SIPA1L1: variants seen among roughly 807,000 people sequenced by gnomAD.
SIPA1L1 encodes signal-induced proliferation-associated 1-like protein 1.
A neutral mutation model predicts 162.7 loss-of-function variants in SIPA1L1; 26 were observed. That is an observed-to-expected ratio of 0.16 (90% CI 0.12 to 0.22). The LOEUF (loss-of-function observed/expected upper bound fraction) is 0.22. SIPA1L1 is among the 10% of genes least tolerant of loss of function. SIPA1L1 has a pLI of 1.00. For synonymous variants in SIPA1L1, 829 were observed against 837.4 expected (o/e 0.99, Z 0.17); for missense variants, 1,874 against 2,241.0 (o/e 0.84, Z 3.31).
intron 2 of SIPA1L1, among the ~76,000 whole-genome samples, chr14:71,446,906 G>GTTTTTTTTTT (rs1189940440): frequency 2.6e-3 from 139 of 53,216 alleles, no homozygotes; most frequent in South Asian, 5.3e-3. Flanking sequence ...TTTTTTTTTT[G>GTTTTTTTTTT]TTTTTTTTTT....
chr14:71,413,765 T>G (rs1037001643), intron 2 of SIPA1L1, among the ~76,000 whole-genome samples: 1 of 152,158 alleles, frequency 6.6e-6, no homozygotes, highest in Non-Finnish European at 1.5e-5. Flanking sequence ...AAATGTGTAT[T>G]GAGCTGCACA....
intron 15 of SIPA1L1, chr14:71,704,802 G>A (rs2082327171): frequency 6.4e-7 from 1 of 1,567,330 alleles, no homozygotes; most frequent in Non-Finnish European, 8.8e-7. Flanking sequence ...TTTCCAAAGT[G>A]TCATGGTAAG....
At chr14:71,593,188 GTTATTTATTTATTTATTTATTTAT>G (rs60160795) in intron 5 of SIPA1L1, among the ~76,000 whole-genome samples, 5 of 146,906 alleles carry the variant, frequency 3.4e-5, no homozygotes, top group Non-Finnish European at 7.5e-5. Flanking sequence ...TGTGTTTTGT[GTTATTTATTTATTTATTTATTTAT>G]TTATTTATTT....
chr14:71,732,840 A>G (rs1238900952), intron 20 of SIPA1L1, among the ~76,000 whole-genome samples: 1 of 152,150 alleles, frequency 6.6e-6, no homozygotes, highest in East Asian at 1.9e-4. Context: ...TGACCATGGA[A>G]CCCAGTGGGC....
chr14:71,450,000 T>G (rs2141491798), intron 2 of SIPA1L1, among the ~76,000 whole-genome samples: 1 of 152,302 alleles, frequency 6.6e-6, no homozygotes, highest in African/African-American at 2.4e-5. Context: ...AGCTTATTTT[T>G]TAACCTTAAA....
At chr14:71,613,171 T>A (rs969929402) in intron 5 of SIPA1L1, among the ~76,000 whole-genome samples, 5 of 152,300 alleles carry the variant, frequency 3.3e-5, no homozygotes, top group African/African-American at 1.2e-4. Flanking sequence ...ATTTAATGAT[T>A]TTTTTATTCA....
At chr14:71,730,516 T>C (rs796354305) in intron 20 of SIPA1L1, among the ~76,000 whole-genome samples, 3 of 152,284 alleles carry the variant, frequency 2.0e-5, no homozygotes, top group African/African-American at 7.2e-5. Flanking sequence ...ATTCCCACAC[T>C]GGACCCAAGA....
At position 71,590,044 on chromosome 14, in the gene SIPA1L1, AATATATATATATAT is replaced by A. The variant is rs58833289; in HGVS notation, c.1498+693_1498+706del. On this transcript the variant is annotated intron_variant, in intron 5 of 23. Transcript: ENST00000381232. The stretch of plus-strand genomic sequence containing the variant: ...AGTAAAAAAAAAAAAAAAAAAAAAA[AATATATATATATAT>A]ATATATATATATATATATGTACACA... Among the ~76,000 whole-genome samples the A allele has an allele frequency of 4.9e-3, 293 of 59,586 alleles. 2 individuals carry two copies. Among genetic ancestry groups the A allele is most frequent in the African/African-American group, 0.023 (275 of 11,844 alleles). The allele number at this position is 59,586 out of a possible 152,430, so 39.1% of individuals were successfully genotyped here.
chr14:71,356,508 G>T (rs953125085), intron 2 of SIPA1L1, among the ~76,000 whole-genome samples: 4 of 136,856 alleles, frequency 2.9e-5, no homozygotes, highest in African/African-American at 1.1e-4. Flanking sequence ...TGGCAGGAGG[G>T]TTACTTAAGG....
intron 9 of SIPA1L1, 129 bp from the exon 10 acceptor site, chr14:71,661,181 G>A (rs1280975888): frequency 2.3e-6 from 2 of 869,924 alleles, no homozygotes; most frequent in South Asian, 1.8e-5. Context: ...GACAGTACCT[G>A]TGTAGATTAC....
intron 3 of SIPA1L1, among the ~76,000 whole-genome samples, chr14:71,518,030 T>C (rs1215448516): frequency 6.6e-6 from 1 of 152,188 alleles, no homozygotes; most frequent in African/African-American, 2.4e-5. Flanking sequence ...ACACCTGTAA[T>C]CCTTCCACTT....
chr14:71,438,424 T>A (rs2044577677), intron 2 of SIPA1L1, among the ~76,000 whole-genome samples: 1 of 152,174 alleles, frequency 6.6e-6, no homozygotes, highest in Non-Finnish European at 1.5e-5. Flanking sequence ...ATGAATCCTG[T>A]TCTCAAAGCA....
chr14:71,445,218 A>G (rs2045249653), intron 2 of SIPA1L1, among the ~76,000 whole-genome samples: 1 of 152,174 alleles, frequency 6.6e-6, no homozygotes, highest in African/African-American at 2.4e-5. Flanking sequence ...AAAGAAGGAA[A>G]ACTTTGTTCT....
At chr14:71,441,064 A>C (rs191788669) in intron 2 of SIPA1L1, among the ~76,000 whole-genome samples, 13 of 152,340 alleles carry the variant, frequency 8.5e-5, no homozygotes, top group Admixed American at 5.9e-4. Context: ...AAGATCATTA[A>C]ATCTAGTTGT....
At chr14:71,514,821 C>T (rs1228516593) in intron 3 of SIPA1L1, among the ~76,000 whole-genome samples, 5 of 152,172 alleles carry the variant, frequency 3.3e-5, no homozygotes, top group Non-Finnish European at 7.3e-5. Context: ...TAAAACTAAC[C>T]ATCACACCTA....
chr14:71,590,991 G>C (rs1241808983), intron 5 of SIPA1L1, among the ~76,000 whole-genome samples: 1 of 152,044 alleles, frequency 6.6e-6, no homozygotes, highest in African/African-American at 2.4e-5. Context: ...CTAACCCCTA[G>C]CTGAGAACCC....
chr14:71,586,013 G>C (rs1210272544), intron 4 of SIPA1L1, among the ~76,000 whole-genome samples: 1 of 152,194 alleles, frequency 6.6e-6, no homozygotes, highest in Non-Finnish European at 1.5e-5. Context: ...GGAATGTAAA[G>C]GGAATAATAG....
chr14:71,382,903 C>G (rs1048597856), intron 2 of SIPA1L1, among the ~76,000 whole-genome samples: 1 of 151,788 alleles, frequency 6.6e-6, no homozygotes, highest in African/African-American at 2.4e-5. Context: ...GATGGGTGCC[C>G]CAGAGAGGCC....
intron 8 of SIPA1L1, among the ~76,000 whole-genome samples, chr14:71,653,676 A>G (rs536048275): frequency 6.6e-6 from 1 of 152,252 alleles, no homozygotes; most frequent in East Asian, 1.9e-4. Context: ...TGTTTCAGCT[A>G]TTATATCATT....
Sources: gnomAD v4.1 joint callset for allele counts (sites outside exome capture counted in the v4.1 genomes callset) on GRCh38, gnomAD v4.1.1 for gene constraint, MANE v1.5 for transcripts, NCBI Gene and HGNC (gene_info 2026-07-23, HGNC 2026-07-21) for gene names.